Variants in ZFAND6 observed in about 807,000 individuals in gnomAD.
ZFAND6 encodes AN1-type zinc finger protein 6.
In ZFAND6, 12 loss-of-function variants were observed where a neutral mutation model predicts 24.5. The observed-to-expected ratio is 0.49, with a 90% CI of 0.31 to 0.79. ZFAND6 has a LOEUF of 0.79. Among genes scored for constraint, ZFAND6 ranks in the 30% least tolerant of loss-of-function variants. ZFAND6 has a pLI of 0.04. For synonymous variants in ZFAND6, 92 were observed against 81.5 expected (o/e 1.13, Z -0.69); for missense variants, 207 against 245.9 (o/e 0.84, Z 1.06).
chr15:80,079,218 T>C lies in ZFAND6; in HGVS notation c.-180-19198T>C, dbSNP rs539981437. Among the ~76,000 whole-genome samples the C allele has an allele frequency of 1.7e-4, 26 of 152,302 alleles. 1 individual carries two copies. The South Asian group carries it at 5.0e-3, about 29-fold the overall frequency. ...TCTGTAGATTATCTGTTTACTCTGT[T>C]CTTTCTTTCCTTTTTTTTTGGAGAC... On this transcript the variant is annotated intron_variant, in intron 1 of 6. Coordinates refer to ENST00000261749, the MANE Select transcript of ZFAND6 (RefSeq NM_019006.4).
intron 2 of ZFAND6, among the ~76,000 whole-genome samples, chr15:80,110,303 A>G (rs2039542823): frequency 6.6e-6 from 1 of 152,224 alleles, no homozygotes; most frequent in Non-Finnish European, 1.5e-5. Flanking sequence ...ACAGAAAATG[A>G]CATTTAAAAA....
intron 1 of ZFAND6, among the ~76,000 whole-genome samples, chr15:80,093,466 G>A (rs939681252): frequency 3.9e-5 from 6 of 151,926 alleles, no homozygotes; most frequent in East Asian, 3.9e-4. Flanking sequence ...GGTGGCTCAC[G>A]CCTGTAATCC....
chr15:80,109,104 A>G (rs2039481430), intron 2 of ZFAND6, among the ~76,000 whole-genome samples: 1 of 152,190 alleles, frequency 6.6e-6, no homozygotes, highest in African/African-American at 2.4e-5. Context: ...CTTCTTAAAC[A>G]GCAAATTCAA....
intron 1 of ZFAND6, among the ~76,000 whole-genome samples, chr15:80,066,772 C>G (rs1260053876): frequency 1.3e-5 from 2 of 151,716 alleles, no homozygotes; most frequent in African/African-American, 4.8e-5. Context: ...TGGCCGGTAG[C>G]TGTAATCCCA....
At chr15:80,136,264 A>G (rs2040857779) in intron 6 of ZFAND6, among the ~76,000 whole-genome samples, 1 of 152,188 alleles carries the variant, frequency 6.6e-6, no homozygotes, top group South Asian at 2.1e-4. Context: ...CAGGAGATCT[A>G]GACCATCCTG....
rs535728130 is a variant in ZFAND6, at chr15:80,137,786, A to G, written c.*158A>G. ...TTTTGTTTTGAAAATGACTCTGAAC[A>G]TTTATTTCCATTGCAATTTCTGTGG... On this transcript the variant is annotated 3_prime_UTR_variant, in exon 7 of 7. Transcript: ENST00000261749. 19 of 648,014 alleles carry G rather than the reference A, an allele frequency of 2.9e-5. No homozygotes were observed. The African/African-American group carries it at 3.4e-4, about 12-fold the overall frequency. The allele number at this position is 648,014 out of a possible 1,614,324, so 40.1% of individuals were successfully genotyped here. A position where few individuals can be genotyped will look rare whatever the true frequency, so the allele number is the denominator to read the frequency against.
At chr15:80,121,881 TGTTTGATTAATA>T in intron 4 of ZFAND6, 61 bp downstream of exon 4, 1 of 1,379,278 alleles carries the variant, frequency 7.3e-7, no homozygotes, top group African/African-American at 1.5e-5. Context: ...GTATATTCTG[TGTTTGATTAATA>T]AGGAAAACTA....
At chr15:80,107,040 C>T (rs191953773) in intron 2 of ZFAND6, among the ~76,000 whole-genome samples, 1 of 151,898 alleles carries the variant, frequency 6.6e-6, no homozygotes, top group Admixed American at 6.6e-5. Flanking sequence ...TGGTGAAACC[C>T]CGTCTCTACT....
intron 2 of ZFAND6, among the ~76,000 whole-genome samples, chr15:80,109,654 G>C (rs1410286250): frequency 1.3e-5 from 2 of 152,152 alleles, no homozygotes; most frequent in African/African-American, 4.8e-5. Flanking sequence ...GTCTTTTAAC[G>C]CTTTGTAAGT....
At chr15:80,105,182 C>T (rs536739875) in intron 2 of ZFAND6, among the ~76,000 whole-genome samples, 27 of 152,296 alleles carry the variant, frequency 1.8e-4, no homozygotes, top group East Asian at 9.6e-4. Context: ...AAATATTGAG[C>T]GTAAGCACAT....
chr15:80,096,539 C>A (rs983243838), intron 1 of ZFAND6, among the ~76,000 whole-genome samples: 2 of 151,930 alleles, frequency 1.3e-5, no homozygotes, highest in Non-Finnish European at 2.9e-5. Flanking sequence ...TTGAATAAAC[C>A]CTAAAACATC....
chr15:80,091,160 G>GGTGTGTGTGTGTGT (rs61706731), intron 1 of ZFAND6, among the ~76,000 whole-genome samples: 67 of 150,276 alleles, frequency 4.5e-4, no homozygotes, highest in Middle Eastern at 6.9e-3. Context: ...GTTGTTAAGG[G>GGTGTGTGTGTGTGT]GTGTGTGTGT....
chr15:80,103,590 A>G (rs555306465), intron 2 of ZFAND6, among the ~76,000 whole-genome samples: 1 of 152,318 alleles, frequency 6.6e-6, no homozygotes, highest in East Asian at 1.9e-4. Flanking sequence ...CAAGAACTTA[A>G]AGTGTCCAAA....
chr15:80,127,460 C>T (rs1315695693), intron 5 of ZFAND6, among the ~76,000 whole-genome samples: 1 of 151,828 alleles, frequency 6.6e-6, no homozygotes, highest in African/African-American at 2.4e-5. Flanking sequence ...TGATGTCATG[C>T]GCCTGTAGTC....
At chr15:80,134,162 G>GT (rs1401153093) in intron 6 of ZFAND6, among the ~76,000 whole-genome samples, 1 of 152,108 alleles carries the variant, frequency 6.6e-6, no homozygotes, top group Non-Finnish European at 1.5e-5. Context: ...TAATTTCTTT[G>GT]TATCTTTAGT....
intron 2 of ZFAND6, among the ~76,000 whole-genome samples, chr15:80,102,752 T>A (rs2141950466): frequency 6.6e-6 from 1 of 152,264 alleles, no homozygotes; most frequent in South Asian, 2.1e-4. Context: ...CACTTTTACT[T>A]TGTGCTTAGA....
chr15:80,131,811 A>C (rs2040619788), intron 6 of ZFAND6, among the ~76,000 whole-genome samples: 6 of 152,240 alleles, frequency 3.9e-5, no homozygotes, highest in Admixed American at 3.9e-4. Flanking sequence ...TTTAGCAAAG[A>C]AAGTACATGA....
intron 2 of ZFAND6, among the ~76,000 whole-genome samples, chr15:80,111,042 C>T (rs1352758621): frequency 6.6e-6 from 1 of 152,196 alleles, no homozygotes; most frequent in Non-Finnish European, 1.5e-5. Flanking sequence ...CAGATTGAAG[C>T]TGTCAGCTTC....
At chr15:80,117,197 G>A (rs1388967358) in intron 2 of ZFAND6, among the ~76,000 whole-genome samples, 1 of 151,436 alleles carries the variant, frequency 6.6e-6, no homozygotes, top group African/African-American at 2.4e-5. Flanking sequence ...AGTGCACTTT[G>A]TTCATTTACA....
Sources: gnomAD v4.1 joint callset for allele counts (sites outside exome capture counted in the v4.1 genomes callset) on GRCh38, gnomAD v4.1.1 for gene constraint, MANE v1.5 for transcripts, NCBI Gene and HGNC (gene_info 2026-07-23, HGNC 2026-07-21) for gene names.